Variants in FADS1 observed in about 807,000 individuals in gnomAD.
The protein encoded by FADS1 is fatty acid desaturase 1.
In FADS1, 17 loss-of-function variants were observed where a neutral mutation model predicts 61.6. The ratio of observed to expected loss-of-function variants is 0.28; its 90% CI spans 0.19 to 0.41. FADS1 has a LOEUF of 0.41. Ranked by LOEUF, FADS1 falls within the 10% of genes least tolerant of loss-of-function variation. The pLI is 1.00. For synonymous variants in FADS1, 238 were observed against 258.7 expected (o/e 0.92, Z 0.77); for missense variants, 387 against 650.9 (o/e 0.59, Z 4.41).
intron 1 of FADS1, 52 bp from the exon 2 acceptor site, chr11:61,813,405 C>G (rs752844418): frequency 9.3e-7 from 1 of 1,077,830 alleles, no homozygotes. Flanking sequence ...CCCTGGACTC[C>G]GGCAGTGTTC....
At position 61,816,870 on chromosome 11, in the gene FADS1, G is replaced by A. The variant is rs2135944097; in HGVS notation, c.60C>T (p.Arg20=). Residue 20 remains arginine (R), a synonymous_variant, in exon 1 of 12, where the codon CGC becomes CGT. Transcript: ENST00000350997. This position sits in a 1 kb window ranked among gnomAD's most constrained non-coding sequence, Gnocchi z 7.0. ...GGCGCGCGCCCAGAGCCAGCCGCCT[G>A]CGCGCCGGGTTTTCAGCACCGCAGG... ...GLPCGAENPA[R]RRLALGARQQ... 1 of 1,478,318 alleles carries A rather than the reference G, an allele frequency of 6.8e-7. No homozygotes were observed. The highest frequency in any genetic ancestry group is 8.9e-7 in the Non-Finnish European group (1 of 1,125,354). The allele number at this position is 1,478,318 out of a possible 1,614,324, so 91.6% of individuals were successfully genotyped here.
Position 61,816,305 on chromosome 11 carries a change from G to A in FADS1, c.375+250C>T. 2 of 1,598,324 alleles carry A rather than the reference G, an allele frequency of 1.3e-6. No individual in the cohort carries two copies. The highest frequency in any genetic ancestry group is 1.7e-6 in the Non-Finnish European group (2 of 1,179,780). ...GATGGAATGCACGGCAGGGAGGCGG[G>A]ACCCTTTGTTTGTGTGTGCGTGTTG... On this transcript the variant is annotated intron_variant, in intron 1 of 11. Transcript: ENST00000350997. The surrounding 1 kb of genome is among the most constrained non-coding windows in gnomAD (Gnocchi z 7.0).
intron 5 of FADS1, among the ~76,000 whole-genome samples, chr11:61,808,264 A>C (rs893621409): frequency 6.6e-6 from 1 of 151,578 alleles, no homozygotes; most frequent in Non-Finnish European, 1.5e-5. Flanking sequence ...TGAACTCGGG[A>C]GGCGGAGGTT....
chr11:61,813,966 CAAAAAAAAAAA>C (rs35779607), intron 1 of FADS1, among the ~76,000 whole-genome samples: 1 of 80,696 alleles, frequency 1.2e-5, no homozygotes, highest in African/African-American at 7.5e-5. Context: ...GACTCCGTCT[CAAAAAAAAAAA>C]AAAAAAAAAA....
At chr11:61,806,447 G>A in intron 6 of FADS1, 1 of 564,818 alleles carries the variant, frequency 1.8e-6, no homozygotes, top group South Asian at 2.2e-5. Context: ...TGGATGGGAA[G>A]AACTAGTTTG....
Position 61,806,666 on chromosome 11 carries a change from A to G in FADS1, c.974T>C (p.Leu325Pro). 1 of 1,613,902 alleles carries G rather than the reference A, an allele frequency of 6.2e-7. No homozygotes were observed. Among genetic ancestry groups the G allele is most frequent in the Non-Finnish European group, 8.5e-7 (1 of 1,179,792 alleles). Reference protein sequence around the residue: ...PYNHQHKYFFLIGPPALLPLY... With the variant: ...PYNHQHKYFFPIGPPALLPLY... ...CTGTGTTGGATGGGGACACTCACTTAGGAAGAAGTATTTGTGCTGGTGGTT... is the reference window on the plus strand; with the variant it reads ...CTGTGTTGGATGGGGACACTCACTTGGGAAGAAGTATTTGTGCTGGTGGTT... The change falls in exon 6 of 12, where the codon CTA becomes CCA. Residue 325 changes from leucine (L) to proline (P), a missense_variant and splice_region_variant. By Grantham distance (98) the Leu-to-Pro change is moderately conservative. Transcript: ENST00000350997.
At position 61,803,009 on chromosome 11, in the gene FADS1, G is replaced by A; in HGVS notation, c.1328+23C>T. On this transcript the variant is annotated intron_variant, in intron 10 of 11. Transcript: ENST00000350997. This position sits in a 1 kb window ranked among gnomAD's most constrained non-coding sequence, Gnocchi z 4.3. ...ACACTTACACCCTCCCCAGGACCCT[G>A]CTTCCCCAGGCTCCCTACTCACTGG... The A allele has an allele frequency of 1.9e-6, 3 of 1,614,024 alleles. No individual in the cohort carries two copies. The Admixed American group carries it at 5.0e-5, about 27-fold the overall frequency.
Position 61,813,371 on chromosome 11 carries a change from A to T in FADS1, c.376-18T>A, listed in dbSNP as rs901977869. The T allele has an allele frequency of 6.7e-7, 1 of 1,496,492 alleles. No homozygotes were observed. 92.7% of individuals were successfully genotyped at this position (1,496,492 alleles called of 1,614,324 possible). ...AAGGGATCCTGCAAGTGCCGGGAGA[A>T]GATGAAAGGTGAGGGAGCCAGCCCC... On this transcript the variant is annotated intron_variant, in intron 1 of 11. Coordinates refer to ENST00000350997, the MANE Select transcript of FADS1 (RefSeq NM_013402.7).
At position 61,816,249 on chromosome 11, in the gene FADS1, C is replaced by A; in HGVS notation, c.375+306G>T. ...AGCCTACCCAGCTCGGGGTTCTGTCCCCGCCCAGAGACCTGAGGCTCGGGG... is the reference window on the plus strand; with the variant it reads ...AGCCTACCCAGCTCGGGGTTCTGTCACCGCCCAGAGACCTGAGGCTCGGGG... On this transcript the variant is annotated intron_variant, in intron 1 of 11. Transcript: ENST00000350997. The surrounding 1 kb of genome is among the most constrained non-coding windows in gnomAD (Gnocchi z 7.0). 1.3e-6 allele frequency: 2 copies of A among 1,597,140 alleles called. No homozygotes were observed. The highest frequency in any genetic ancestry group is 1.7e-6 in the Non-Finnish European group (2 of 1,179,044).
At chr11:61,807,874 A>C (rs2066904465) in intron 5 of FADS1, among the ~76,000 whole-genome samples, 1 of 152,236 alleles carries the variant, frequency 6.6e-6, no homozygotes, top group Non-Finnish European at 1.5e-5. Context: ...TATTCTGTAC[A>C]AGACACTTCA....
chr11:61,807,968 G>T (rs902479362), intron 5 of FADS1, among the ~76,000 whole-genome samples: 1 of 152,202 alleles, frequency 6.6e-6, no homozygotes, highest in African/African-American at 2.4e-5. Flanking sequence ...AGATGCTTAG[G>T]ATACAGAGGT....
chr11:61,816,041 A>G lies in FADS1; in HGVS notation c.375+514T>C. 1.8e-6 allele frequency: 1 copy of G among 563,752 alleles called. No individual in the cohort carries two copies. Among genetic ancestry groups the G allele is most frequent in the Non-Finnish European group, 3.2e-6 (1 of 316,630 alleles). The allele number at this position is 563,752 out of a possible 1,614,324, so 34.9% of individuals were successfully genotyped here. On this transcript the variant is annotated intron_variant, in intron 1 of 11. Transcript: ENST00000350997. The surrounding 1 kb of genome is among the most constrained non-coding windows in gnomAD (Gnocchi z 7.0). ...TCCCCAAGCTTCCCGTTTCAGCCCC[A>G]TCCTCGAGAATGGGCTCCTTTCCTG...
At position 61,802,809 on chromosome 11, in the gene FADS1, G is replaced by A; in HGVS notation, c.1446C>T (p.Asp482=). The part of the protein sequence containing the change: ...QSKPLLSAFA[D]IIHSLKESGQ... ...TGGTCTCAGATACTCACTGGATGATGTCGGCGAAGGCTGACAGCAGGGGCT... is the reference window on the plus strand; with the variant it reads ...TGGTCTCAGATACTCACTGGATGATATCGGCGAAGGCTGACAGCAGGGGCT... Residue 482 remains aspartate (D), a synonymous_variant, in exon 11 of 12, where the codon GAC becomes GAT. Coordinates refer to ENST00000350997, the MANE Select transcript of FADS1 (RefSeq NM_013402.7). This position sits in a 1 kb window ranked among gnomAD's most constrained non-coding sequence, Gnocchi z 4.2. 6.2e-7 allele frequency: 1 copy of A among 1,614,218 alleles called. No individual in the cohort carries two copies.
chr11:61,813,178 C>T (rs2066943672), intron 2 of FADS1, 65 bp downstream of exon 2: 6 of 974,856 alleles, frequency 6.2e-6, no homozygotes, highest in African/African-American at 3.2e-5. Context: ...CTAGACTCTC[C>T]TTCCACCCCC....
intron 5 of FADS1, among the ~76,000 whole-genome samples, chr11:61,807,925 C>A (rs1051471364): frequency 8.5e-5 from 13 of 152,240 alleles, no homozygotes; most frequent in African/African-American, 3.1e-4. Context: ...GATTCAAGTT[C>A]TTCAGCACCT....
rs1377410077 is a variant in FADS1, at chr11:61,801,098, A to G, written c.*1313T>C. 6.6e-6 allele frequency: 1 copy of G among 152,366 alleles called. No homozygotes were observed. Among genetic ancestry groups the G allele is most frequent in the Non-Finnish European group, 1.5e-5 (1 of 68,028 alleles). The allele number at this position is 152,366 out of a possible 1,614,324, so 9.4% of individuals were successfully genotyped here. ...ATCTTCCTATTTCTGATTTAGAAGTATGAAGTGATCATATTTAATCTTTCT... is the reference window on the plus strand; with the variant it reads ...ATCTTCCTATTTCTGATTTAGAAGTGTGAAGTGATCATATTTAATCTTTCT... On this transcript the variant is annotated 3_prime_UTR_variant, in exon 12 of 12. Coordinates refer to ENST00000350997, the MANE Select transcript of FADS1 (RefSeq NM_013402.7).
At chr11:61,806,575 T>C in intron 6 of FADS1, 89 bp downstream of exon 6, 6 of 1,218,220 alleles carry the variant, frequency 4.9e-6, no homozygotes, top group Non-Finnish European at 7.3e-6. Flanking sequence ...TTCCTTAAAA[T>C]ACCATAATCC....
Position 61,815,511 on chromosome 11 carries a change from G to C in FADS1, c.375+1044C>G, listed in dbSNP as rs1168415134. ...GCCAGGGTAGTGGATAGGGACAGTG[G>C]AGGGCATCACGCTGCAGGGCACGGG... is the stretch of plus-strand genomic sequence containing the variant. On this transcript the variant is annotated intron_variant, in intron 1 of 11. Coordinates refer to ENST00000350997, the MANE Select transcript of FADS1 (RefSeq NM_013402.7). The surrounding 1 kb of genome is among the most constrained non-coding windows in gnomAD (Gnocchi z 6.4). The C allele has an allele frequency of 6.6e-6, 1 of 152,420 alleles. No individual in the cohort carries two copies. The highest frequency in any genetic ancestry group is 1.5e-5 in the Non-Finnish European group (1 of 68,172). The allele number at this position is 152,420 out of a possible 1,614,324, so 9.4% of individuals were successfully genotyped here. A position where few individuals can be genotyped will look rare whatever the true frequency, so the allele number is the denominator to read the frequency against.
Position 61,800,557 on chromosome 11 carries a change from A to G in FADS1, c.*1854T>C, listed in dbSNP as rs2135932277. ...TTTGTTGACAAACCTCTAACCTTCC[A>G]TGTCTTTGTGTTGACAAACCTCTCC... On this transcript the variant is annotated 3_prime_UTR_variant, in exon 12 of 12. Transcript: ENST00000350997. 6.6e-6 allele frequency: 1 copy of G among 152,360 alleles called. No individual in the cohort carries two copies. Among genetic ancestry groups the G allele is most frequent in the African/African-American group, 2.4e-5 (1 of 41,504 alleles). The allele number at this position is 152,360 out of a possible 1,614,324, so 9.4% of individuals were successfully genotyped here. A position where few individuals can be genotyped will look rare whatever the true frequency, so the allele number is the denominator to read the frequency against.
Sources: allele counts gnomAD v4.1 joint callset (sites outside exome capture counted in the v4.1 genomes callset), GRCh38; gene constraint gnomAD v4.1.1; non-coding constraint Gnocchi (gnomAD v3.1); transcripts MANE v1.5; gene names NCBI Gene and HGNC (gene_info 2026-07-23, HGNC 2026-07-21).